CDH26: variants seen among roughly 807,000 people sequenced by gnomAD.
CDH26 encodes the protein cadherin 26, also known as cadherin-like protein 26.
In CDH26, 83 loss-of-function variants were observed where a neutral mutation model predicts 90.3. The observed-to-expected ratio is 0.92, with a 90% confidence interval of 0.77 to 1.10. The LOEUF is 1.10. CDH26 is among the 50% of genes least tolerant of loss of function. The probability of loss-of-function intolerance (pLI) is 0.00; values close to 1 mark genes in which losing one functional copy is unlikely to be tolerated. For missense variants in CDH26, 1,013 were observed against 1,037.6 expected (o/e 0.98, Z 0.33); for synonymous variants, 397 against 396.3 (o/e 1.00, Z -0.02).
intron 11 of CDH26, 44 bp downstream of exon 11, chr20:59,994,533 G>A (rs767030574): frequency 1.9e-6 from 3 of 1,604,488 alleles, no homozygotes; most frequent in Non-Finnish European, 2.6e-6. Context: ...GAAAATGCCA[G>A]ATATCCAATT....
At position 60,031,392 on chromosome 20, in the gene CDH26, C is replaced by T. The variant is rs1187505201; in HGVS notation, c.1110C>T (p.Pro370=). The change falls in exon 8 of 9, where the codon CCC becomes CCT. Residue 370 remains proline, a synonymous_variant. Transcript: ENST00000370991. ...AACACGGGGCTTTGGCTCGAACACC[C>T]TCTTTCAAGAAAGTTGTTTATGACC... 8.2e-6 allele frequency: 10 copies of T among 1,226,544 alleles called. No individual in the cohort carries two copies. The African/African-American group carries it at 1.3e-4, about 16-fold the overall frequency. The allele number at this position is 1,226,544 out of a possible 1,614,324, so 76.0% of individuals were successfully genotyped here.
chr20:59,966,702 A>G (rs1387286479), intron 1 of CDH26, among the ~76,000 whole-genome samples: 2 of 152,224 alleles, frequency 1.3e-5, no homozygotes, highest in East Asian at 1.9e-4. Context: ...TAGTGTTCTT[A>G]TGAAAGAGTT....
intron 1 of CDH26, among the ~76,000 whole-genome samples, chr20:59,963,254 T>A (rs78058933): frequency 1.6e-5 from 2 of 127,686 alleles, no homozygotes; most frequent in Non-Finnish European, 3.3e-5. Context: ...AGATAAGGAT[T>A]TTTTTTTTTT....
intron 8 of CDH26, chr20:60,031,464 C>G (rs1225810187): frequency 5.7e-6 from 6 of 1,047,836 alleles, no homozygotes; most frequent in Middle Eastern, 2.7e-4. Context: ...CTAGATTTCT[C>G]CTTTTAAAAA....
In CDH26 at chr20:60,014,077, G is replaced by A. The variant is rs763203878; in HGVS notation, c.*1347G>A. On this transcript the variant is annotated 3_prime_UTR_variant, in exon 18 of 18. Transcript: ENST00000348616. ...AAACAAAGTAAACATTAGTTTATTC[G>A]ATTGCCTCCTTATACTTGCCTCTTT... 2.6e-5 allele frequency: 4 copies of A among 151,764 alleles called. No individual in the cohort carries two copies. The highest frequency in any genetic ancestry group is 4.4e-5 in the Non-Finnish European group (3 of 67,962). 9.4% of individuals were successfully genotyped at this position (151,764 alleles called of 1,614,324 possible).
At chr20:60,012,420 A>G in intron 17 of CDH26, 107 bp from the exon 18 acceptor site, 2 of 1,006,962 alleles carry the variant, frequency 2.0e-6, no homozygotes, top group East Asian at 2.5e-5. Flanking sequence ...ACGGGGCCTG[A>G]GTGCTGTTAC....
chr20:59,959,733 C>A (rs961416080), intron 1 of CDH26, among the ~76,000 whole-genome samples: 5 of 152,130 alleles, frequency 3.3e-5, no homozygotes, highest in African/African-American at 1.2e-4. Context: ...TCACACTTTA[C>A]ATAAGATTGA....
chr20:60,011,412 T>G (rs195014), intron 17 of CDH26, among the ~76,000 whole-genome samples: 80,868 of 152,170 alleles, frequency 0.53, 22,573 homozygotes, highest in African/African-American at 0.7. Context: ...AAATCATGGA[T>G]TTGGCGTGCT....
At chr20:59,980,843 G>T (rs2061387140) in intron 4 of CDH26, among the ~76,000 whole-genome samples, 1 of 152,090 alleles carries the variant, frequency 6.6e-6, no homozygotes, top group South Asian at 2.1e-4. Context: ...TTGTCATCAA[G>T]ATTTTCTCCT....
intron 5 of CDH26, among the ~76,000 whole-genome samples, chr20:59,983,739 T>G (rs1394476857): frequency 6.6e-6 from 1 of 152,226 alleles, no homozygotes; most frequent in Non-Finnish European, 1.5e-5. Flanking sequence ...TATACATACA[T>G]TTTTTCATCT....
chr20:60,028,967 G>A (rs750869039), intron 7 of CDH26, among the ~76,000 whole-genome samples: 2 of 152,136 alleles, frequency 1.3e-5, no homozygotes, highest in African/African-American at 2.4e-5. Context: ...AAAGAGACGC[G>A]ATATAGACAC....
chr20:60,031,568 T>G, intron 8 of CDH26: 1 of 947,974 alleles, frequency 1.1e-6, no homozygotes, highest in South Asian at 2.8e-5. Flanking sequence ...TTTCTTCAGA[T>G]GAAAGGAGTA....
chr20:60,031,246 C>A (rs1186025969), exon 8 of CDH26: 1 of 1,220,924 alleles, frequency 8.2e-7, no homozygotes, highest in Non-Finnish European at 1.0e-6. Context: ...AGAGAGAAAT[C>A]GCTTCAGCCT....
chr20:60,029,715 T>C (rs1240585161), intron 7 of CDH26, among the ~76,000 whole-genome samples: 2 of 152,142 alleles, frequency 1.3e-5, no homozygotes, highest in South Asian at 2.1e-4. Flanking sequence ...GACTCCCAGT[T>C]ATGAGTGAGA....
intron 17 of CDH26, among the ~76,000 whole-genome samples, chr20:60,010,656 A>G (rs1415734516): frequency 6.6e-6 from 1 of 152,174 alleles, no homozygotes; most frequent in East Asian, 1.9e-4. Context: ...GAATGAGCAG[A>G]TATGAAGCCT....
intron 3 of CDH26, 85 bp from the exon 4 acceptor site, chr20:59,971,877 A>G: frequency 2.6e-6 from 3 of 1,133,320 alleles, no homozygotes; most frequent in Non-Finnish European, 3.8e-6. Flanking sequence ...TAAAGATGCC[A>G]TTGATTCTTA....
chr20:59,996,293 A>C, intron 12 of CDH26: 1 of 1,272,452 alleles, frequency 7.9e-7, no homozygotes, highest in Non-Finnish European at 1.0e-6. Context: ...TGGTAAATAT[A>C]GTCAAGGAGT....
At chr20:59,987,694 C>T in intron 8 of CDH26, 56 bp downstream of exon 8, 1 of 1,452,716 alleles carries the variant, frequency 6.9e-7, no homozygotes, top group Non-Finnish European at 9.4e-7. Context: ...GAGGCCTCTT[C>T]TGTAGGATCA....
chr20:59,966,597 C>A (rs1023520077), intron 1 of CDH26, among the ~76,000 whole-genome samples: 1 of 152,206 alleles, frequency 6.6e-6, no homozygotes, highest in African/African-American at 2.4e-5. Context: ...CCACTGCCTT[C>A]ATTTGTGCTG....
Sources: gnomAD v4.1 joint callset for allele counts (sites outside exome capture counted in the v4.1 genomes callset) on GRCh38, gnomAD v4.1.1 for gene constraint, MANE v1.5 for transcripts, NCBI Gene and HGNC (gene_info 2026-07-23, HGNC 2026-07-21) for gene names.